Variants in ZNF202 observed in about 807,000 individuals in gnomAD.
ZNF202 encodes zinc finger protein 202.
In ZNF202, 22 loss-of-function variants were observed where a neutral mutation model predicts 54.5. That is an observed-to-expected ratio of 0.40 (90% CI 0.29 to 0.58). The LOEUF (loss-of-function observed/expected upper bound fraction) is 0.58. ZNF202 is among the 20% of genes least tolerant of loss of function. The probability of loss-of-function intolerance (pLI) is 0.39; values close to 1 mark genes in which losing one functional copy is unlikely to be tolerated. For synonymous variants in ZNF202, 294 were observed against 301.4 expected, an observed-to-expected ratio of 0.98 and a Z score of 0.26; for missense variants, 644 against 805.5, an observed-to-expected ratio of 0.80 and a Z score of 2.43.
chr11:123,725,887 T>G lies in ZNF202; in HGVS notation c.*110A>C. ...AGAGGTAATGTCAGATCTGAGCAGG[T>G]CAGGGAGACTCCCTCGAAAAGGTCT... On this transcript the variant is annotated 3_prime_UTR_variant, in exon 9 of 9. Transcript: ENST00000530393. 20 of 1,307,240 alleles carry G rather than the reference T, an allele frequency of 1.5e-5. No homozygotes were observed. The highest frequency in any genetic ancestry group is 2.6e-4 in the Middle Eastern group (1 of 3,784). The allele number at this position is 1,307,240 out of a possible 1,614,324, so 81.0% of individuals were successfully genotyped here.
At chr11:123,741,269 A>AGGGGGCG (rs933902405) in intron 1 of ZNF202, among the ~76,000 whole-genome samples, 2 of 151,956 alleles carry the variant, frequency 1.3e-5, no homozygotes, top group African/African-American at 4.8e-5. Flanking sequence ...AGGCCCCAGG[A>AGGGGGCG]GGGGGCGGAG....
Position 123,725,863 on chromosome 11 carries a change from G to C in ZNF202, c.*134C>G. The C allele has an allele frequency of 9.7e-7, 1 of 1,033,912 alleles. No individual in the cohort carries two copies. The highest frequency in any genetic ancestry group is 1.4e-6 in the Non-Finnish European group (1 of 733,934). 64.0% of individuals were successfully genotyped at this position (1,033,912 alleles called of 1,614,324 possible). A position where few individuals can be genotyped will look rare whatever the true frequency, so the allele number is the denominator to read the frequency against. On this transcript the variant is annotated 3_prime_UTR_variant, in exon 9 of 9. Transcript: ENST00000530393. ...CCAGGCTCGTGTTTAGTTGCAGGAA[G>C]AGGTAATGTCAGATCTGAGCAGGTC...
rs192373268 is a variant in ZNF202 at position 123,740,449 on chromosome 11, C to G, written c.-206G>C. 6.6e-6 allele frequency: 1 copy of G among 152,272 alleles called. No individual in the cohort carries two copies. The highest frequency in any genetic ancestry group is 6.5e-5 in the Admixed American group (1 of 15,286). The allele number at this position is 152,272 out of a possible 1,614,324, so 9.4% of individuals were successfully genotyped here. A position where few individuals can be genotyped will look rare whatever the true frequency, so the allele number is the denominator to read the frequency against. ...AAGTAGCTTCCTGGATCAAGCCCCA[C>G]GGGGCAGCTTGGAAGAGAAGCTGGG... On this transcript the variant is annotated 5_prime_UTR_variant, in exon 2 of 9. Coordinates refer to ENST00000530393, the MANE Select transcript of ZNF202 (RefSeq NM_003455.4).
chr11:123,733,872 A>G (rs1011494914), intron 3 of ZNF202, among the ~76,000 whole-genome samples: 2 of 152,178 alleles, frequency 1.3e-5, no homozygotes, highest in African/African-American at 4.8e-5. Flanking sequence ...GACGATTTTC[A>G]AAGGTCCAGG....
chr11:123,734,109 G>C (rs980513328), intron 3 of ZNF202, among the ~76,000 whole-genome samples: 2 of 152,018 alleles, frequency 1.3e-5, no homozygotes, highest in Admixed American at 6.5e-5. Context: ...GAGAGACAGA[G>C]AGAGAGAGAG....
intron 2 of ZNF202, 46 bp downstream of exon 2, chr11:123,740,371 C>T (rs1017886777): frequency 6.6e-6 from 1 of 152,338 alleles, no homozygotes; most frequent in African/African-American, 2.4e-5. Flanking sequence ...GCTCCGCGTT[C>T]ACACGCTTCC....
Position 123,729,109 on chromosome 11 carries a change from AG to A in ZNF202, c.702+16del. Reference sequence around the variant, plus strand: ...TTCAAACAAATTCTCTGTGGTACAGAGGTAACTAGGGCACACCTGTGACAGA... The same window carrying A: ...TTCAAACAAATTCTCTGTGGTACAGAGTAACTAGGGCACACCTGTGACAGA... On this transcript the variant is annotated intron_variant, in intron 6 of 8. Coordinates refer to ENST00000530393, the MANE Select transcript of ZNF202 (RefSeq NM_003455.4). 1 of 1,612,790 alleles carries A rather than the reference AG, an allele frequency of 6.2e-7. No homozygotes were observed. Among genetic ancestry groups the A allele is most frequent in the Non-Finnish European group, 8.5e-7 (1 of 1,179,350 alleles).
At chr11:123,728,626 T>C (rs1861262435) in intron 6 of ZNF202, among the ~76,000 whole-genome samples, 1 of 152,242 alleles carries the variant, frequency 6.6e-6, no homozygotes, top group Non-Finnish European at 1.5e-5. Context: ...TCACTTTCAA[T>C]AGTTTCTATA....
In ZNF202 at chr11:123,730,919, T is replaced by C; in HGVS notation, c.-31A>G. ...GGCTTTGGGGTGGTCTCACACCATC[T>C]AGAGCTCACACTGTCATTAGCCCCC... On this transcript the variant is annotated 5_prime_UTR_variant, in exon 4 of 9. Transcript: ENST00000530393. This position sits in a 1 kb window ranked among gnomAD's most constrained non-coding sequence, Gnocchi z 6.0. 1 of 1,588,118 alleles carries C rather than the reference T, an allele frequency of 6.3e-7. No individual in the cohort carries two copies. The highest frequency in any genetic ancestry group is 8.6e-7 in the Non-Finnish European group (1 of 1,165,664).
At position 123,730,990 on chromosome 11, in the gene ZNF202, A is replaced by G; in HGVS notation, c.-97-5T>C. 1 of 1,382,322 alleles carries G rather than the reference A, an allele frequency of 7.2e-7. No individual in the cohort carries two copies. The highest frequency in any genetic ancestry group is 9.8e-7 in the Non-Finnish European group (1 of 1,020,780). The allele number at this position is 1,382,322 out of a possible 1,614,324, so 85.6% of individuals were successfully genotyped here. On this transcript the variant is annotated splice_region_variant and splice_polypyrimidine_tract_variant and intron_variant, in intron 3 of 8. Coordinates refer to ENST00000530393, the MANE Select transcript of ZNF202 (RefSeq NM_003455.4). This position sits in a 1 kb window ranked among gnomAD's most constrained non-coding sequence, Gnocchi z 6.0. ...GAGGATTTTCTTCCAAGGGCCCTGGATAGAGAAGTAAAGACAAACAAGAGT... is the reference window on the plus strand; with the variant it reads ...GAGGATTTTCTTCCAAGGGCCCTGGGTAGAGAAGTAAAGACAAACAAGAGT...
At chr11:123,736,156 A>G (rs1861627668) in intron 3 of ZNF202, among the ~76,000 whole-genome samples, 3 of 152,170 alleles carry the variant, frequency 2.0e-5, no homozygotes, top group Non-Finnish European at 4.4e-5. Context: ...GGCAGTGAAG[A>G]CCCAAGCTCA....
Position 123,728,280 on chromosome 11 carries a change from T to C in ZNF202, c.703-18A>G, listed in dbSNP as rs1438947642. On this transcript the variant is annotated intron_variant, in intron 6 of 8. Coordinates refer to ENST00000530393, the MANE Select transcript of ZNF202 (RefSeq NM_003455.4). Reference sequence around the variant, plus strand: ...ACCAGTCCCTGAAACCACATAAGGATTTCATCAAAACGTGATGCTACGGGT... The same window carrying C: ...ACCAGTCCCTGAAACCACATAAGGACTTCATCAAAACGTGATGCTACGGGT... 6.3e-7 allele frequency: 1 copy of C among 1,598,442 alleles called. No individual in the cohort carries two copies. The highest frequency in any genetic ancestry group is 8.5e-7 in the Non-Finnish European group (1 of 1,171,998).
At position 123,724,372 on chromosome 11, in the gene ZNF202, T is replaced by C. The variant is rs1042095860; in HGVS notation, c.*1625A>G. ...GCAAGTGTTACCTTTATTTATTTCA[T>C]ATATGTATATTTCCAGAAGGACAAC... On this transcript the variant is annotated 3_prime_UTR_variant, in exon 9 of 9. Transcript: ENST00000530393. 2.6e-5 allele frequency: 4 copies of C among 151,930 alleles called. No homozygotes were observed. Among genetic ancestry groups the C allele is most frequent in the South Asian group, 2.1e-4 (1 of 4,806 alleles). 9.4% of individuals were successfully genotyped at this position (151,930 alleles called of 1,614,324 possible). A position where few individuals can be genotyped will look rare whatever the true frequency, so the allele number is the denominator to read the frequency against.
intron 8 of ZNF202, 136 bp downstream of exon 8, chr11:123,727,340 G>T: frequency 8.3e-7 from 1 of 1,204,416 alleles, no homozygotes; most frequent in Non-Finnish European, 1.1e-6. Context: ...AGAAGAAATG[G>T]CTGTCAGAGG....
In ZNF202 at chr11:123,730,361, T is replaced by A; in HGVS notation, c.402+126A>T. The A allele has an allele frequency of 5.7e-6, 7 of 1,227,618 alleles. No individual in the cohort carries two copies. Among genetic ancestry groups the A allele is most frequent in the South Asian group, 5.4e-5 (3 of 55,180 alleles). 76.0% of individuals were successfully genotyped at this position (1,227,618 alleles called of 1,614,324 possible). On this transcript the variant is annotated intron_variant, in intron 4 of 8. Coordinates refer to ENST00000530393, the MANE Select transcript of ZNF202 (RefSeq NM_003455.4). This position sits in a 1 kb window ranked among gnomAD's most constrained non-coding sequence, Gnocchi z 6.0. The stretch of plus-strand genomic sequence containing the variant: ...CCCCTAATCCATGGGGCTCATGGTA[T>A]ATGAGCAACCCAAGGGCAGAGCCCA...
At chr11:123,729,539 G>A in intron 5 of ZNF202, 76 bp downstream of exon 5, 1 of 1,424,154 alleles carries the variant, frequency 7.0e-7, no homozygotes, top group Non-Finnish European at 9.3e-7. Flanking sequence ...CCTTGGTATA[G>A]GAGAAATGTC....
Position 123,725,127 on chromosome 11 carries a change from C to G in ZNF202, c.*870G>C, listed in dbSNP as rs1482139650. On this transcript the variant is annotated 3_prime_UTR_variant, in exon 9 of 9. Coordinates refer to ENST00000530393, the MANE Select transcript of ZNF202 (RefSeq NM_003455.4). ...GGGAATGTGAACGATTTCATTATGA[C>G]CGAATTATGCTTTACTCAATAAGCA... is the stretch of plus-strand genomic sequence containing the variant. The G allele has an allele frequency of 6.6e-6, 1 of 152,160 alleles. No individual in the cohort carries two copies. Among genetic ancestry groups the G allele is most frequent in the Non-Finnish European group, 1.5e-5 (1 of 68,050 alleles). The allele number at this position is 152,160 out of a possible 1,614,324, so 9.4% of individuals were successfully genotyped here. A position where few individuals can be genotyped will look rare whatever the true frequency, so the allele number is the denominator to read the frequency against.
chr11:123,736,762 T>C (rs1365756901), intron 3 of ZNF202, among the ~76,000 whole-genome samples: 1 of 152,172 alleles, frequency 6.6e-6, no homozygotes, highest in Non-Finnish European at 1.5e-5. Context: ...TAAGCCTCAG[T>C]CTTATCCTCA....
chr11:123,730,420 C>A lies in ZNF202; in HGVS notation c.402+67G>T, dbSNP rs866547807. On this transcript the variant is annotated intron_variant, in intron 4 of 8. Coordinates refer to ENST00000530393, the MANE Select transcript of ZNF202 (RefSeq NM_003455.4). This position sits in a 1 kb window ranked among gnomAD's most constrained non-coding sequence, Gnocchi z 6.0. Reference sequence around the variant, plus strand: ...TTATGGGGATCCTGCAAGCTCTCCCCGCAAATCCAGCCTTCCAGCAAATAG... The same window carrying A: ...TTATGGGGATCCTGCAAGCTCTCCCAGCAAATCCAGCCTTCCAGCAAATAG... 7 of 1,484,036 alleles carry A rather than the reference C, an allele frequency of 4.7e-6. No homozygotes were observed. In the Admixed American group the frequency reaches 1.4e-4, roughly 30 times the overall value. 91.9% of individuals were successfully genotyped at this position (1,484,036 alleles called of 1,614,324 possible). A position where few individuals can be genotyped will look rare whatever the true frequency, so the allele number is the denominator to read the frequency against.
Sources: allele counts gnomAD v4.1 joint callset (sites outside exome capture counted in the v4.1 genomes callset), GRCh38; gene constraint gnomAD v4.1.1; non-coding constraint Gnocchi (gnomAD v3.1); transcripts MANE v1.5; gene names NCBI Gene and HGNC (gene_info 2026-07-23, HGNC 2026-07-21).